PRKCH: variants seen among roughly 807,000 people sequenced by gnomAD.
The protein encoded by PRKCH is protein kinase C eta type.
PRKCH carries 28 observed loss-of-function variants against 82.5 expected under a neutral mutation model. The observed-to-expected ratio is 0.34, with a 90% confidence interval of 0.25 to 0.47. The LOEUF (loss-of-function observed/expected upper bound fraction) is 0.47, where lower values mean the gene tolerates loss of function less well. Ranked by LOEUF, PRKCH falls within the 20% of genes least tolerant of loss-of-function variation. The probability of loss-of-function intolerance (pLI) is 1.00; values close to 1 mark genes in which losing one functional copy is unlikely to be tolerated. For missense variants in PRKCH, 705 were observed against 881.8 expected (o/e 0.80, Z 2.54); for synonymous variants, 322 against 327.4 (o/e 0.98, Z 0.18).
At position 61,472,955 on chromosome 14, in the gene PRKCH, A is replaced by G. The variant is rs79988708; in HGVS notation, c.1279-12547A>G. Among the ~76,000 whole-genome samples, 473 of 152,350 alleles carry G rather than the reference A, an allele frequency of 3.1e-3. 1 individual carries two copies. Among genetic ancestry groups the G allele is most frequent in the Admixed American group, 7.2e-3 (110 of 15,312 alleles). The stretch of plus-strand genomic sequence containing the variant: ...ATGTGGACCTGCCTTTTAATTGCTT[A>G]CAGTCAAAGGTCATGATAACACCAT... On this transcript the variant is annotated intron_variant, in intron 9 of 13. Transcript: ENST00000332981.
chr14:61,413,121 T>C (rs2140235016), intron 2 of PRKCH, among the ~76,000 whole-genome samples: 1 of 152,136 alleles, frequency 6.6e-6, no homozygotes, highest in East Asian at 1.9e-4. Context: ...CAGCCAACTA[T>C]CTTGACAAAC....
intron 2 of PRKCH, among the ~76,000 whole-genome samples, chr14:61,394,900 C>T (rs2046749868): frequency 6.6e-6 from 1 of 152,126 alleles, no homozygotes; most frequent in East Asian, 1.9e-4. Context: ...GCAAGAAGCC[C>T]AGTGGTCCCT....
Position 61,230,262 on chromosome 14 carries a change from G to A in PRKCH, c.-19+42594G>A, listed in dbSNP as rs528982040. ...TTTGTCTTTCACCTCATTCGGACCC[G>A]GGGGTAGATTCAGTTCTCATCTTTA... On this transcript the variant is annotated intron_variant, in intron 1 of 3. Coordinates refer to the PRKCH transcript ENST00000555185. Among the ~76,000 whole-genome samples, 6 of 152,156 alleles carry A rather than the reference G, an allele frequency of 3.9e-5. No homozygotes were observed. The South Asian group carries it at 1.0e-3, about 27-fold the overall frequency.
rs114337402 is a variant in PRKCH, at chr14:61,515,656, C to A, written c.1434-13419C>A. Among the ~76,000 whole-genome samples the A allele has an allele frequency of 4.5e-3, 682 of 152,266 alleles. 11 individuals carry two copies. Among genetic ancestry groups the A allele is most frequent in the African/African-American group, 0.016 (654 of 41,528 alleles). The stretch of plus-strand genomic sequence containing the variant: ...GGTGCCAGACCATGTCACTGTATGA[C>A]CCATCTGGCTTTGGCTCCTGGCTCT... On this transcript the variant is annotated intron_variant, in intron 10 of 13. Transcript: ENST00000332981.
rs140447797 is a variant in PRKCH, at chr14:61,193,421, A to C, written c.-19+5753A>C. ...GCCTTTGTTTTTCTTTTGCTTTCTT[A>C]GCATGAAAAATTTTTACTTTGCAAA... On this transcript the variant is annotated intron_variant, in intron 1 of 3. Coordinates refer to the PRKCH transcript ENST00000555185. 2.5e-3 allele frequency among the ~76,000 whole-genome samples: 388 copies of C among 152,316 alleles called. 5 individuals are homozygous for C. The highest frequency in any genetic ancestry group is 0.018 in the Admixed American group (274 of 15,298).
intron 1 of PRKCH, among the ~76,000 whole-genome samples, chr14:61,262,800 G>A (rs1281273635): frequency 6.6e-6 from 1 of 152,030 alleles, no homozygotes; most frequent in Non-Finnish European, 1.5e-5. Context: ...GGGGGGAAGT[G>A]GATGATGCCG....
At chr14:61,392,024 A>G (rs1594655220) in intron 2 of PRKCH, among the ~76,000 whole-genome samples, 1 of 152,072 alleles carries the variant, frequency 6.6e-6, no homozygotes, top group Non-Finnish European at 1.5e-5. Context: ...ATTCTCTTTT[A>G]TGTCTGGTTT....
chr14:61,530,137 G>A (rs1212507079), intron 11 of PRKCH, among the ~76,000 whole-genome samples: 1 of 151,936 alleles, frequency 6.6e-6, no homozygotes, highest in Non-Finnish European at 1.5e-5. Context: ...TATATTTCCA[G>A]AACCCTTTCT....
At chr14:61,405,186 G>A (rs1226957837) in intron 2 of PRKCH, among the ~76,000 whole-genome samples, 1 of 152,178 alleles carries the variant, frequency 6.6e-6, no homozygotes, top group African/African-American at 2.4e-5. Context: ...CAAATTAGGA[G>A]CCAATCCCCA....
Position 61,280,780 on chromosome 14 carries a change from C to A in PRKCH, c.-19+93112C>A. 6.4e-7 allele frequency: 1 copy of A among 1,555,436 alleles called. No homozygotes were observed. The highest frequency in any genetic ancestry group is 1.2e-5 in the South Asian group (1 of 82,828). ...CGCGTCGTCGCGGGACACGCCGTAG[C>A]GCCGGTTGTTCTGGTAGAAGTTGGT... On this transcript the variant is annotated intron_variant, in intron 1 of 3. Coordinates refer to the PRKCH transcript ENST00000555185. This position sits in a 1 kb window ranked among gnomAD's most constrained non-coding sequence, Gnocchi z 5.0.
At chr14:61,315,393 A>G (rs2140112034) in intron 1 of PRKCH, among the ~76,000 whole-genome samples, 1 of 152,278 alleles carries the variant, frequency 6.6e-6, no homozygotes, top group Non-Finnish European at 1.5e-5. Flanking sequence ...TTAACGCTTC[A>G]ACTCTCGGTT....
intron 2 of PRKCH, among the ~76,000 whole-genome samples, chr14:61,441,364 G>A (rs1883962448): frequency 6.6e-6 from 1 of 152,140 alleles, no homozygotes; most frequent in Non-Finnish European, 1.5e-5. Flanking sequence ...GGTGTGGTAG[G>A]GTCAGGACTG....
At chr14:61,281,151 GGCCGCGCGGGGACCGAC>G in intron 1 of PRKCH, 1 of 1,337,768 alleles carries the variant, frequency 7.5e-7, no homozygotes, top group Non-Finnish European at 9.5e-7. Flanking sequence ...AGGTCATGGC[GGCCGCGCGGGGACCGAC>G]GCGCGGGCTG....
At chr14:61,301,933 T>C (rs932047392) in intron 1 of PRKCH, among the ~76,000 whole-genome samples, 3 of 152,244 alleles carry the variant, frequency 2.0e-5, no homozygotes. Context: ...ATATAGAATT[T>C]TTTTCATCAT....
In PRKCH at chr14:61,313,477, A is replaced by G. The variant is rs1363239061; in HGVS notation, c.-19+125809A>G. 3.3e-5 allele frequency among the ~76,000 whole-genome samples: 5 copies of G among 152,304 alleles called. No homozygotes were observed. In the East Asian group the frequency reaches 9.6e-4, roughly 29 times the overall value. On this transcript the variant is annotated intron_variant, in intron 1 of 3. Coordinates refer to the PRKCH transcript ENST00000555185. The stretch of plus-strand genomic sequence containing the variant: ...AAGAATTTTAAACCATTTTATTTTG[A>G]GACAGGGTCTTGCTCTGTTGCCCAG...
At chr14:61,419,631 T>C (rs540347554) in intron 2 of PRKCH, among the ~76,000 whole-genome samples, 32 of 152,284 alleles carry the variant, frequency 2.1e-4, no homozygotes, top group Admixed American at 1.1e-3. Context: ...CTGCCCAGGG[T>C]CCCTGACTGT....
At chr14:61,452,773 C>T (rs888425946) in intron 6 of PRKCH, 1 of 171,398 alleles carries the variant, frequency 5.8e-6, no homozygotes, top group South Asian at 1.3e-4. Flanking sequence ...CCATTTCCAT[C>T]CTGTTTGAAC....
chr14:61,415,022 A>G (rs367632173), intron 2 of PRKCH, among the ~76,000 whole-genome samples: 1 of 151,996 alleles, frequency 6.6e-6, no homozygotes, highest in South Asian at 2.1e-4. Context: ...GGTTACCTTC[A>G]GGCCCCATTT....
At chr14:61,360,033 G>A (rs1045240979) in intron 1 of PRKCH, among the ~76,000 whole-genome samples, 3 of 152,164 alleles carry the variant, frequency 2.0e-5, no homozygotes, top group Non-Finnish European at 1.5e-5. Flanking sequence ...TTTATATAGC[G>A]TATGTGGCAT....
Sources: gnomAD v4.1 joint callset for allele counts (sites outside exome capture counted in the v4.1 genomes callset) on GRCh38, gnomAD v4.1.1 for gene constraint, Gnocchi (gnomAD v3.1) non-coding constraint, MANE v1.5 for transcripts, NCBI Gene and HGNC (gene_info 2026-07-23, HGNC 2026-07-21) for gene names.